The following USO1 variants were observed in gnomAD, a reference collection of about 807,000 sequenced individuals.
USO1 encodes general vesicular transport factor p115.
A neutral mutation model predicts 124.5 loss-of-function variants in USO1; 57 were observed. That is an observed-to-expected ratio of 0.46 (90% confidence interval 0.37 to 0.57). The LOEUF is 0.57. Ranked by LOEUF, USO1 falls within the 20% of genes least tolerant of loss-of-function variation. The pLI is 0.00. For missense variants in USO1, 900 were observed against 1,040.6 expected (o/e 0.86, Z 1.86); for synonymous variants, 369 against 362.8 (o/e 1.02, Z -0.19).
At chr4:75,798,336 T>C (rs1722747574) in intron 13 of USO1, among the ~76,000 whole-genome samples, 1 of 152,208 alleles carries the variant, frequency 6.6e-6, no homozygotes, top group South Asian at 2.1e-4. Flanking sequence ...TAAGTAATAA[T>C]GAACTTATAT....
chr4:75,803,087 C>CA (rs34627696), intron 17 of USO1, among the ~76,000 whole-genome samples: 68,087 of 111,142 alleles, frequency 0.61, 19,102 homozygotes, highest in East Asian at 0.82. Context: ...AACTCTGTCT[C>CA]AAAAAAAAAA....
chr4:75,766,406 C>T (rs187321608), intron 4 of USO1, among the ~76,000 whole-genome samples: 12 of 152,314 alleles, frequency 7.9e-5, no homozygotes, highest in Middle Eastern at 3.4e-3. Flanking sequence ...AATTTACCCT[C>T]CTTTACCCCA....
chr4:75,766,380 G>A (rs1366421663), intron 4 of USO1, among the ~76,000 whole-genome samples: 1 of 152,132 alleles, frequency 6.6e-6, no homozygotes. Flanking sequence ...TAGGACCATG[G>A]TTCTCAAGTG....
intron 1 of USO1, among the ~76,000 whole-genome samples, chr4:75,746,051 G>A (rs1577932546): frequency 6.6e-6 from 1 of 152,152 alleles, no homozygotes; most frequent in Non-Finnish European, 1.5e-5. Flanking sequence ...TAATCCCTAC[G>A]GTATGTAGTT....
At chr4:75,729,807 G>C (rs1421385830) in intron 1 of USO1, 1 of 209,372 alleles carries the variant, frequency 4.8e-6, no homozygotes, top group Non-Finnish European at 1.0e-5. Flanking sequence ...TTGTTATGGG[G>C]TCTCTTTCCA....
intron 1 of USO1, among the ~76,000 whole-genome samples, chr4:75,743,179 G>A (rs920894550): frequency 2.0e-5 from 3 of 151,920 alleles, no homozygotes. Flanking sequence ...TAGAGACAGG[G>A]TTTCACCGTG....
chr4:75,732,411 G>C (rs1720658238), intron 1 of USO1, among the ~76,000 whole-genome samples: 1 of 152,084 alleles, frequency 6.6e-6, no homozygotes, highest in African/African-American at 2.4e-5. Flanking sequence ...GTCCACTATT[G>C]ATGGACACCT....
chr4:75,782,888 A>G, intron 9 of USO1, 30 bp downstream of exon 9: 1 of 1,534,236 alleles, frequency 6.5e-7, no homozygotes, highest in Non-Finnish European at 8.7e-7. Flanking sequence ...AAATGTGGTA[A>G]GAATTTTGAC....
chr4:75,810,067 T>C (rs1350575121), intron 21 of USO1, among the ~76,000 whole-genome samples: 3 of 152,216 alleles, frequency 2.0e-5, no homozygotes, highest in African/African-American at 7.2e-5. Context: ...TCTACCTATC[T>C]AGGGTGGTAG....
intron 17 of USO1, among the ~76,000 whole-genome samples, chr4:75,802,736 CTTTTTTTTTTTTTTT>C (rs997798305): frequency 3.1e-5 from 2 of 63,738 alleles, no homozygotes; most frequent in African/African-American, 6.6e-5. Flanking sequence ...TTTTTCTTTT[CTTTTTTTTTTTTTTT>C]TTTTTTTTTT....
At chr4:75,772,056 A>AT (rs1464292205) in intron 7 of USO1, among the ~76,000 whole-genome samples, 1 of 152,186 alleles carries the variant, frequency 6.6e-6, no homozygotes, top group Non-Finnish European at 1.5e-5. Flanking sequence ...GTTTTAGTAA[A>AT]TATCATTTGG....
At chr4:75,801,336 AT>A (rs1722845470) in intron 17 of USO1, 136 bp downstream of exon 17, 1 of 1,071,546 alleles carries the variant, frequency 9.3e-7, no homozygotes, top group Non-Finnish European at 1.2e-6. Flanking sequence ...GCATCTGAGT[AT>A]TCAACAAACA....
At chr4:75,736,501 C>T (rs1300088874) in intron 1 of USO1, among the ~76,000 whole-genome samples, 2 of 151,886 alleles carry the variant, frequency 1.3e-5, no homozygotes, top group Non-Finnish European at 2.9e-5. Flanking sequence ...TGGGGTTTCA[C>T]CATGTTGCCC....
chr4:75,790,059 C>A (rs867703766), intron 10 of USO1, 91 bp from the exon 11 acceptor site: 4,444 of 839,720 alleles, frequency 5.3e-3, no homozygotes, highest in East Asian at 0.012. Context: ...AAAAAAAAAA[C>A]AAAAAAAAAA....
intron 8 of USO1, among the ~76,000 whole-genome samples, chr4:75,780,640 CTTTTTTTTTT>C (rs71210204): frequency 3.4e-5 from 2 of 59,138 alleles, no homozygotes; most frequent in African/African-American, 1.4e-4. Context: ...TAAATTTTGA[CTTTTTTTTTT>C]TTTTTTTTTT....
chr4:75,790,789 C>A lies in USO1; in HGVS notation c.1232C>A (p.Thr411Asn). Residue 411 changes from threonine (T) to asparagine (N), a missense_variant, in exon 12 of 24, where the codon ACC (threonine) becomes AAC (asparagine). Thr to Asn is a moderately conservative substitution (Grantham distance 65). Around this residue, in one of 2 missense-constraint regions of USO1, gnomAD observed 538 missense variants for 681.6 expected, o/e 0.79. Transcript: ENST00000514213. ...GEIVSTLLPS[T>N]IDATGNSVSA... ...ATCGTGTCAACACTTTTACCTTCTA[C>A]CATTGATGGTAAATAATTTAGTTCT... The A allele has an allele frequency of 3.1e-6, 5 of 1,591,760 alleles. No homozygotes were observed. The highest frequency in any genetic ancestry group is 4.3e-6 in the Non-Finnish European group (5 of 1,171,786).
chr4:75,812,515 A>T, intron 23 of USO1, 140 bp downstream of exon 23: 1 of 1,036,012 alleles, frequency 9.7e-7, no homozygotes, highest in South Asian at 1.7e-5. Context: ...TACCATCTAT[A>T]CTGTTTTCAC....
Position 75,748,455 on chromosome 4 carries a change from C to T in USO1, c.67-3918C>T, listed in dbSNP as rs187306913. 7.7e-4 allele frequency among the ~76,000 whole-genome samples: 117 copies of T among 152,300 alleles called. 1 individual carries two copies. Among genetic ancestry groups the T allele is most frequent in the Admixed American group, 7.2e-3 (110 of 15,296 alleles). ...CCACCCCTCTCAGCCTCCCAAAGTG[C>T]TGGGATTACAGGCATGAGCCACCGC... On this transcript the variant is annotated intron_variant, in intron 1 of 23. Coordinates refer to ENST00000514213, the MANE Select transcript of USO1 (RefSeq NM_003715.4).
intron 17 of USO1, among the ~76,000 whole-genome samples, chr4:75,803,073 G>A (rs1470146481): frequency 8.2e-6 from 1 of 122,574 alleles, no homozygotes; most frequent in Non-Finnish European, 1.7e-5. Flanking sequence ...GGCAACAAGA[G>A]CGAAACTCTG....
Sources: allele counts gnomAD v4.1 joint callset (sites outside exome capture counted in the v4.1 genomes callset), GRCh38; gene constraint gnomAD v4.1.1; regional missense constraint gnomAD v4.1.1; transcripts MANE v1.5; gene names NCBI Gene and HGNC (gene_info 2026-07-23, HGNC 2026-07-21).